TENM2: variants seen among roughly 807,000 people sequenced by gnomAD.
TENM2 encodes teneurin transmembrane protein 2, also known as teneurin-2.
TENM2 carries 52 observed loss-of-function variants against 245.2 expected under a neutral mutation model. The ratio of observed to expected loss-of-function variants is 0.21; its 90% confidence interval spans 0.17 to 0.27. The LOEUF (loss-of-function observed/expected upper bound fraction) is 0.27. Among genes scored for constraint, TENM2 ranks in the 10% least tolerant of loss-of-function variants. The pLI, the probability that TENM2 is intolerant of heterozygous loss-of-function variation, is 1.00. For missense variants in TENM2, 3,046 were observed against 3,666.8 expected (o/e 0.83, Z 4.37); for synonymous variants, 1,363 against 1,438.9 (o/e 0.95, Z 1.19).
At chr5:167,494,731 T>C (rs1388200999) in intron 2 of TENM2, among the ~76,000 whole-genome samples, 1 of 152,038 alleles carries the variant, frequency 6.6e-6, no homozygotes, top group African/African-American at 2.4e-5. Flanking sequence ...GTTAGAAAAA[T>C]AGAATATTCT....
At chr5:167,733,875 A>G (rs776837572) in intron 2 of TENM2, among the ~76,000 whole-genome samples, 8 of 152,160 alleles carry the variant, frequency 5.3e-5, no homozygotes, top group Non-Finnish European at 1.0e-4. Flanking sequence ...GCATAGTGCC[A>G]CAGAACCCAC....
chr5:167,954,070 A>G (rs1780336781), intron 4 of TENM2, among the ~76,000 whole-genome samples: 1 of 152,210 alleles, frequency 6.6e-6, no homozygotes, highest in East Asian at 1.9e-4. Flanking sequence ...GAATTGGTAC[A>G]GAAATAAATA....
At chr5:168,238,747 G>C (rs1229867710) in intron 25 of TENM2, among the ~76,000 whole-genome samples, 1 of 152,128 alleles carries the variant, frequency 6.6e-6, no homozygotes. Context: ...AAAACGTTCT[G>C]GGGGGATATT....
At chr5:167,147,076 C>T in the TENM2 span, among the ~76,000 whole-genome samples, 1 of 152,124 alleles carries the variant, frequency 6.6e-6, no homozygotes, top group Non-Finnish European at 1.5e-5. Flanking sequence ...TACAGACACA[C>T]CTTTTTCCTA....
chr5:167,493,857 C>T (rs1483520586), intron 2 of TENM2, among the ~76,000 whole-genome samples: 1 of 151,960 alleles, frequency 6.6e-6, no homozygotes, highest in African/African-American at 2.4e-5. Context: ...GAATGGCAAA[C>T]AAACACATAA....
chr5:167,336,845 CG>C (rs1757793980), intron 1 of TENM2, among the ~76,000 whole-genome samples: 2 of 151,020 alleles, frequency 1.3e-5, no homozygotes. Flanking sequence ...CGGCCGGGTG[CG>C]GTGGCTCACG....
At chr5:167,187,991 T>C in the TENM2 span, among the ~76,000 whole-genome samples, 1 of 152,156 alleles carries the variant, frequency 6.6e-6, no homozygotes, top group Non-Finnish European at 1.5e-5. Context: ...TAGAGTGTTA[T>C]GGAAACCAGG....
the TENM2 span, chr5:167,119,436 G>C: frequency 1.3e-5 from 2 of 152,148 alleles, no homozygotes; most frequent in Non-Finnish European, 2.9e-5. Context: ...ACCTGAGATT[G>C]GATAATATAT....
chr5:167,392,550 C>A (rs1761818543), intron 2 of TENM2, among the ~76,000 whole-genome samples: 1 of 152,160 alleles, frequency 6.6e-6, no homozygotes, highest in African/African-American at 2.4e-5. Context: ...CAGACCAAAT[C>A]TATACCATAA....
the TENM2 span, among the ~76,000 whole-genome samples, chr5:167,067,862 C>G: frequency 4.4e-3 from 676 of 152,250 alleles, 4 homozygotes; most frequent in Middle Eastern, 0.044. Flanking sequence ...TCCAACTTGG[C>G]TAGCTTGAGG....
intron 2 of TENM2, among the ~76,000 whole-genome samples, chr5:167,782,960 C>A (rs1764298923): frequency 6.6e-6 from 1 of 152,192 alleles, no homozygotes; most frequent in South Asian, 2.1e-4. Flanking sequence ...GAAGCAGTGG[C>A]TTTCCTCAGC....
At chr5:168,114,215 A>G (rs1444478909) in intron 9 of TENM2, among the ~76,000 whole-genome samples, 1 of 152,144 alleles carries the variant, frequency 6.6e-6, no homozygotes, top group Non-Finnish European at 1.5e-5. Flanking sequence ...CTGAAAGGCC[A>G]TTTTTTGAAG....
chr5:167,537,263 A>AAAAAAAAAAAAAAT, intron 2 of TENM2, among the ~76,000 whole-genome samples: 1 of 151,722 alleles, frequency 6.6e-6, no homozygotes, highest in Non-Finnish European at 1.5e-5. Flanking sequence ...AAAAAAAAAA[A>AAAAAAAAAAAAAAT]AAAAAGCCAG....
At chr5:167,595,481 A>C (rs1285023689) in intron 2 of TENM2, among the ~76,000 whole-genome samples, 1 of 152,342 alleles carries the variant, frequency 6.6e-6, no homozygotes, top group South Asian at 2.1e-4. Flanking sequence ...CCTCAGCAAG[A>C]TTCACAGCAA....
At chr5:168,084,513 G>A (rs560394790) in intron 7 of TENM2, among the ~76,000 whole-genome samples, 1 of 152,324 alleles carries the variant, frequency 6.6e-6, no homozygotes, top group South Asian at 2.1e-4. Context: ...TATTTCAGTT[G>A]GGTAGTCAGG....
intron 4 of TENM2, among the ~76,000 whole-genome samples, chr5:167,969,924 T>C (rs781010474): frequency 2.0e-5 from 3 of 152,176 alleles, no homozygotes; most frequent in Non-Finnish European, 4.4e-5. Context: ...GGCCTCATAG[T>C]GGAGAGGAAG....
intron 3 of TENM2, among the ~76,000 whole-genome samples, chr5:167,926,107 G>C (rs1011905058): frequency 5.9e-5 from 9 of 152,194 alleles, no homozygotes; most frequent in Non-Finnish European, 7.4e-5. Context: ...AACCTAAAAT[G>C]AAAGTTAAAA....
the TENM2 span, among the ~76,000 whole-genome samples, chr5:167,249,972 G>C: frequency 3.3e-5 from 5 of 152,256 alleles, no homozygotes; most frequent in Middle Eastern, 3.4e-3. Context: ...ACGATTAAAT[G>C]GTAGTGGGGA....
At chr5:167,792,503 A>T (rs533201591) in intron 2 of TENM2, among the ~76,000 whole-genome samples, 8 of 152,096 alleles carry the variant, frequency 5.3e-5, no homozygotes, top group African/African-American at 1.7e-4. Flanking sequence ...TGTGATCGTC[A>T]CGTGTGGCTC....
Sources: allele counts gnomAD v4.1 joint callset (sites outside exome capture counted in the v4.1 genomes callset), GRCh38; gene constraint gnomAD v4.1.1; transcripts MANE v1.5; gene names NCBI Gene and HGNC (gene_info 2026-07-23, HGNC 2026-07-21).